TBX18: variants seen among roughly 807,000 people sequenced by gnomAD.
The protein encoded by TBX18 is T-box transcription factor TBX18.
A neutral mutation model predicts 55.0 loss-of-function variants in TBX18; 21 were observed. That is an observed-to-expected ratio of 0.38 (90% CI 0.27 to 0.55). The LOEUF is 0.55. TBX18 is among the 20% of genes least tolerant of loss of function. The pLI, the probability that TBX18 is intolerant of heterozygous loss-of-function variation, is 0.73. For synonymous variants in TBX18, 342 were observed against 326.1 expected, an observed-to-expected ratio of 1.05 and a Z score of -0.53; for missense variants, 840 against 799.6, an observed-to-expected ratio of 1.05 and a Z score of -0.61.
chr6:84,762,576 T>C lies in TBX18; in HGVS notation c.465A>G (p.Ile155Met), dbSNP rs1266706026. 3 of 1,613,896 alleles carry C rather than the reference T, an allele frequency of 1.9e-6. No individual in the cohort carries two copies. In the African/African-American group the frequency reaches 4.0e-5, roughly 22 times the overall value. ...GAELWKRFHE[I>M]GTEMIITKAG... ...CCTTGGTGATGATCATCTCAGTGCCTATCTCATGAAAGCGCTTCCAGAGCT... is the reference window on the plus strand; with the variant it reads ...CCTTGGTGATGATCATCTCAGTGCCCATCTCATGAAAGCGCTTCCAGAGCT... Residue 155 changes from isoleucine (I) to methionine (M), a missense_variant, in exon 2 of 8, where the codon ATA (isoleucine) becomes ATG (methionine). Coordinates refer to ENST00000369663, the MANE Select transcript of TBX18 (RefSeq NM_001080508.3).
intron 5 of TBX18, among the ~76,000 whole-genome samples, chr6:84,746,548 CATTT>C (rs1767196756): frequency 1.4e-5 from 2 of 143,524 alleles, no homozygotes; most frequent in South Asian, 4.4e-4. Context: ...ATCATAAATA[CATTT>C]ATTTATAATT....
chr6:84,753,274 C>T (rs1582079114), intron 4 of TBX18, among the ~76,000 whole-genome samples: 1 of 152,178 alleles, frequency 6.6e-6, no homozygotes, highest in Admixed American at 6.5e-5. Context: ...GTCACATCAT[C>T]TCATGTCTCA....
At chr6:84,751,210 T>G (rs923743502) in intron 4 of TBX18, among the ~76,000 whole-genome samples, 3 of 152,336 alleles carry the variant, frequency 2.0e-5, no homozygotes, top group African/African-American at 7.2e-5. Context: ...GAAACAAAGA[T>G]TCATTTGGGT....
chr6:84,763,249 C>G (rs1767706396), intron 1 of TBX18: 2 of 377,324 alleles, frequency 5.3e-6, no homozygotes, highest in African/African-American at 4.2e-5. Flanking sequence ...TTTGGGCCTT[C>G]TTTTGGGCCG....
chr6:84,740,116 T>G (rs1331630960), intron 6 of TBX18, among the ~76,000 whole-genome samples: 1 of 152,138 alleles, frequency 6.6e-6, no homozygotes, highest in Non-Finnish European at 1.5e-5. Context: ...CAAAGAGATG[T>G]CTGCAGCCCC....
intron 1 of TBX18, chr6:84,763,074 G>C (rs1767700312): frequency 2.2e-6 from 1 of 451,528 alleles, no homozygotes; most frequent in Non-Finnish European, 4.0e-6. Context: ...CCGCCGCCGG[G>C]GTCTGGGACG....
Position 84,764,159 on chromosome 6 carries a change from G to A in TBX18, c.23C>T (p.Ser8Leu), listed in dbSNP as rs766293472. 1.3e-6 allele frequency: 2 copies of A among 1,521,394 alleles called. No individual in the cohort carries two copies. The highest frequency in any genetic ancestry group is 2.4e-5 in the South Asian group (2 of 81,994). The allele number at this position is 1,521,394 out of a possible 1,614,324, so 94.2% of individuals were successfully genotyped here. Residue 8 changes from serine to leucine, a missense_variant, in exon 1 of 8, where the codon TCG becomes TTG. Coordinates refer to ENST00000369663, the MANE Select transcript of TBX18 (RefSeq NM_001080508.3). ...CTTGAGGCTTAGCATGCTGCACGGC[G>A]AGCCCCTTCGCTTCTCGGCCATCCC... MAEKRRG[S>L]PCSMLSLKAH...
intron 4 of TBX18, 103 bp downstream of exon 4, chr6:84,756,595 G>A (rs1488392341): frequency 3.6e-6 from 4 of 1,113,562 alleles, no homozygotes; most frequent in Middle Eastern, 3.0e-4. Context: ...AATCAATCAG[G>A]CAATGAACAT....
rs1766911854 is a variant in TBX18 at position 84,737,419 on chromosome 6, A to C, written c.1100-10T>G. 6.6e-7 allele frequency: 1 copy of C among 1,506,076 alleles called. No homozygotes were observed. Among genetic ancestry groups the C allele is most frequent in the South Asian group, 1.4e-5 (1 of 73,738 alleles). The allele number at this position is 1,506,076 out of a possible 1,614,324, so 93.3% of individuals were successfully genotyped here. A position where few individuals can be genotyped will look rare whatever the true frequency, so the allele number is the denominator to read the frequency against. ...GAGGAACTTGCATTGCCTACAAAAG[A>C]AGTTGAAATGTAAAGAATGACTCCA... On this transcript the variant is annotated splice_polypyrimidine_tract_variant and intron_variant, in intron 7 of 7. Transcript: ENST00000369663.
intron 3 of TBX18, among the ~76,000 whole-genome samples, chr6:84,759,303 AT>A (rs1435482092): frequency 6.6e-6 from 1 of 151,884 alleles, no homozygotes; most frequent in Non-Finnish European, 1.5e-5. Context: ...CCAGTAGGCT[AT>A]TTCAAAAAAG....
intron 2 of TBX18, among the ~76,000 whole-genome samples, chr6:84,760,641 G>A (rs1767624411): frequency 6.6e-6 from 1 of 152,096 alleles, no homozygotes. Flanking sequence ...TGGCACAAAA[G>A]AAAGCATCTT....
At position 84,759,363 on chromosome 6, in the gene TBX18, A is replaced by C. The variant is rs188708924; in HGVS notation, c.599+892T>G. On this transcript the variant is annotated intron_variant, in intron 3 of 7. Coordinates refer to ENST00000369663, the MANE Select transcript of TBX18 (RefSeq NM_001080508.3). ...ATAAAAAACAAATCTGATTTTGTTT[A>C]AACTTACTAAAAGCTCTGTCCCATG... Among the ~76,000 whole-genome samples, 271 of 152,268 alleles carry C rather than the reference A, an allele frequency of 1.8e-3. 1 individual carries two copies. The highest frequency in any genetic ancestry group is 6.0e-3 in the African/African-American group (249 of 41,582).
intron 3 of TBX18, among the ~76,000 whole-genome samples, chr6:84,758,477 AG>A (rs534198682): frequency 2.6e-5 from 4 of 152,116 alleles, no homozygotes; most frequent in Non-Finnish European, 5.9e-5. Flanking sequence ...AATTTCAATA[AG>A]TTCCTAATTG....
At position 84,762,754 on chromosome 6, in the gene TBX18, C is replaced by T. The variant is rs1244462507; in HGVS notation, c.293-6G>A. 3 of 1,587,410 alleles carry T rather than the reference C, an allele frequency of 1.9e-6. No homozygotes were observed. The highest frequency in any genetic ancestry group is 1.7e-6 in the Non-Finnish European group (2 of 1,167,426). ...GAAGCCGTCCTCACAGCCGCCTGGA[C>T]AGCAAAGGACAGAGAAAGGGAACTG... On this transcript the variant is annotated splice_polypyrimidine_tract_variant and splice_region_variant and intron_variant, in intron 1 of 7. Coordinates refer to ENST00000369663, the MANE Select transcript of TBX18 (RefSeq NM_001080508.3).
chr6:84,743,856 C>T (rs974386681), intron 6 of TBX18, among the ~76,000 whole-genome samples: 3 of 152,174 alleles, frequency 2.0e-5, no homozygotes, highest in African/African-American at 7.2e-5. Context: ...GGAAATATGA[C>T]TTAACGAAAG....
rs1045294395 is a variant in TBX18 at position 84,737,306 on chromosome 6, A to C, written c.1203T>G (p.His401Gln). 6.2e-7 allele frequency: 1 copy of C among 1,605,452 alleles called. No individual in the cohort carries two copies. Among genetic ancestry groups the C allele is most frequent in the Non-Finnish European group, 8.5e-7 (1 of 1,175,686 alleles). Reference protein sequence around the residue: ...SGSSCSSPAFHLGPNTSQLCS... With the variant: ...SGSSCSSPAFQLGPNTSQLCS... ...ACAGCTGGCTGGTGTTGGGCCCCAG[A>C]TGGAAGGCAGGAGAGGAGCAAGAGG... The change falls in exon 8 of 8, where the codon CAT becomes CAG. Residue 401 changes from histidine to glutamine, a missense_variant. Transcript: ENST00000369663.
At chr6:84,737,773 C>T (rs1368332344) in intron 7 of TBX18, among the ~76,000 whole-genome samples, 1 of 152,132 alleles carries the variant, frequency 6.6e-6, no homozygotes, top group African/African-American at 2.4e-5. Flanking sequence ...GAGGAGAATT[C>T]CAAAGGGCTG....
chr6:84,762,717 A>C lies in TBX18; in HGVS notation c.324T>G (p.Ala108=), dbSNP rs765600163. 134 of 1,609,862 alleles carry C rather than the reference A, an allele frequency of 8.3e-5. No homozygotes were observed. Among genetic ancestry groups the C allele is most frequent in the Admixed American group, 1.3e-4 (8 of 59,470 alleles). Residue 108 remains alanine, a synonymous_variant, in exon 2 of 8, where the codon GCT becomes GCG. Coordinates refer to ENST00000369663, the MANE Select transcript of TBX18 (RefSeq NM_001080508.3). ...GGCEDGFQQG[A]SPLASPGGSP... The stretch of plus-strand genomic sequence containing the variant: ...AGCCTCCCGGTGACGCCAGAGGGGA[A>C]GCTCCCTGCTGGAAGCCGTCCTCAC...
rs539331368 is a variant in TBX18, at chr6:84,759,084, T to C, written c.599+1171A>G. On this transcript the variant is annotated intron_variant, in intron 3 of 7. Coordinates refer to ENST00000369663, the MANE Select transcript of TBX18 (RefSeq NM_001080508.3). ...TCAGCACAAAACCCCATTTGGAATA[T>C]GGGTTTTAAATCAAGTATATTTAAA... Among the ~76,000 whole-genome samples, 395 of 152,284 alleles carry C rather than the reference T, an allele frequency of 2.6e-3. 2 individuals are homozygous for C. The highest frequency in any genetic ancestry group is 9.0e-3 in the African/African-American group (376 of 41,584).
Sources: allele counts gnomAD v4.1 joint callset (sites outside exome capture counted in the v4.1 genomes callset), GRCh38; gene constraint gnomAD v4.1.1; transcripts MANE v1.5; gene names NCBI Gene and HGNC (gene_info 2026-07-23, HGNC 2026-07-21).